The following RCSD1 variants were observed in gnomAD, a reference collection of about 807,000 sequenced individuals.
The protein encoded by RCSD1 is RCSD domain containing 1.
Under a neutral mutation model 42.5 loss-of-function variants are expected in RCSD1, and 26 were observed. That is an observed-to-expected ratio of 0.61 (90% CI 0.45 to 0.85). The LOEUF is 0.85. Ranked by LOEUF, RCSD1 falls within the 40% of genes least tolerant of loss-of-function variation. The probability of loss-of-function intolerance (pLI) is 0.00; values close to 1 mark genes in which losing one functional copy is unlikely to be tolerated. For synonymous variants in RCSD1, 220 were observed against 212.2 expected, an observed-to-expected ratio of 1.04 and a Z score of -0.32; for missense variants, 571 against 528.3, an observed-to-expected ratio of 1.08 and a Z score of -0.79.
At chr1:167,641,166 T>C (rs1657995062) in intron 1 of RCSD1, among the ~76,000 whole-genome samples, 1 of 152,126 alleles carries the variant, frequency 6.6e-6, no homozygotes, top group South Asian at 2.1e-4. Flanking sequence ...AGGGGAAGTC[T>C]GTCTCCAGGC....
intron 1 of RCSD1, among the ~76,000 whole-genome samples, chr1:167,666,794 T>A (rs1380415114): frequency 6.6e-6 from 1 of 152,238 alleles, no homozygotes; most frequent in Non-Finnish European, 1.5e-5. Flanking sequence ...TAGAACAAGC[T>A]TGTCCAACCC....
chr1:167,701,251 A>AGTTTGTTTGTTTGTTT (rs750347257), intron 6 of RCSD1, among the ~76,000 whole-genome samples: 1 of 117,682 alleles, frequency 8.5e-6, no homozygotes, highest in Non-Finnish European at 1.9e-5. Flanking sequence ...CCAATTGCCT[A>AGTTTGTTTGTTTGTTT]GTTTCTTTCT....
At chr1:167,676,149 G>A (rs1222976210) in intron 1 of RCSD1, among the ~76,000 whole-genome samples, 2 of 152,154 alleles carry the variant, frequency 1.3e-5, no homozygotes, top group Non-Finnish European at 1.5e-5. Context: ...TAGGCAATCT[G>A]AGGCACGGAC....
intron 1 of RCSD1, among the ~76,000 whole-genome samples, chr1:167,634,314 A>G (rs1291746078): frequency 1.3e-5 from 2 of 151,992 alleles, no homozygotes; most frequent in Non-Finnish European, 2.9e-5. Flanking sequence ...ATATATTTAG[A>G]GCCTAATGGG....
intron 2 of RCSD1, among the ~76,000 whole-genome samples, chr1:167,684,602 C>T (rs559099225): frequency 3.0e-4 from 45 of 152,174 alleles, no homozygotes; most frequent in African/African-American, 9.2e-4. Context: ...GGGCCGGGCA[C>T]GGTGGCTCAC....
chr1:167,702,960 A>T (rs1172473375), intron 6 of RCSD1, among the ~76,000 whole-genome samples: 3 of 152,198 alleles, frequency 2.0e-5, no homozygotes, highest in Non-Finnish European at 4.4e-5. Flanking sequence ...TATTAACAAT[A>T]AGTGCCGACT....
chr1:167,684,768 G>A (rs1349245804), intron 2 of RCSD1, among the ~76,000 whole-genome samples: 2 of 152,190 alleles, frequency 1.3e-5, no homozygotes, highest in South Asian at 2.1e-4. Context: ...CAGCTACTCA[G>A]GAGGCTGAGG....
intron 1 of RCSD1, among the ~76,000 whole-genome samples, chr1:167,642,637 G>A (rs1367535715): frequency 6.6e-6 from 1 of 152,196 alleles, no homozygotes; most frequent in African/African-American, 2.4e-5. Flanking sequence ...ACCAGGAGTT[G>A]CAACTTATAG....
Position 167,630,381 on chromosome 1 carries a change from G to A in RCSD1, c.-43G>A, listed in dbSNP as rs1419226285. ...CAGCGGGGATCGTGAGCTCCGGCCC[G>A]GGCGAGCGGGTGCGTCTGCCGCAGA... On this transcript the variant is annotated 5_prime_UTR_variant, in exon 1 of 7. Coordinates refer to ENST00000367854, the MANE Select transcript of RCSD1 (RefSeq NM_052862.4). The A allele has an allele frequency of 1.3e-6, 2 of 1,497,972 alleles. No homozygotes were observed. The highest frequency in any genetic ancestry group is 2.7e-5 in the East Asian group (1 of 37,440). 92.8% of individuals were successfully genotyped at this position (1,497,972 alleles called of 1,614,324 possible). A position where few individuals can be genotyped will look rare whatever the true frequency, so the allele number is the denominator to read the frequency against.
At chr1:167,699,953 A>T (rs2101723975) in intron 6 of RCSD1, among the ~76,000 whole-genome samples, 1 of 152,128 alleles carries the variant, frequency 6.6e-6, no homozygotes, top group South Asian at 2.1e-4. Flanking sequence ...CCCATCAGTT[A>T]TTTTCTCCCA....
At chr1:167,640,973 A>T (rs923361731) in intron 1 of RCSD1, among the ~76,000 whole-genome samples, 2 of 152,168 alleles carry the variant, frequency 1.3e-5, no homozygotes, top group Admixed American at 1.3e-4. Flanking sequence ...GTTAAGCTAT[A>T]TTATAACCAC....
intron 2 of RCSD1, 112 bp from the exon 3 acceptor site, chr1:167,685,308 TC>T: frequency 1.4e-6 from 1 of 728,276 alleles, no homozygotes; most frequent in Non-Finnish European, 2.2e-6. Context: ...ATCCTAACAT[TC>T]CTAAATCCCT....
intron 6 of RCSD1, 49 bp from the exon 7 acceptor site, chr1:167,704,614 AG>A: frequency 6.6e-7 from 1 of 1,526,644 alleles, no homozygotes; most frequent in Non-Finnish European, 9.1e-7. Context: ...GCTGAGTGTC[AG>A]GATTTCCTCA....
chr1:167,672,020 G>A (rs573648112), intron 1 of RCSD1, among the ~76,000 whole-genome samples: 1 of 152,212 alleles, frequency 6.6e-6, no homozygotes, highest in Non-Finnish European at 1.5e-5. Flanking sequence ...CTCCTGCTGT[G>A]CATTTCACCA....
At chr1:167,634,176 C>G (rs1657772263) in intron 1 of RCSD1, among the ~76,000 whole-genome samples, 1 of 152,194 alleles carries the variant, frequency 6.6e-6, no homozygotes, top group Non-Finnish European at 1.5e-5. Flanking sequence ...TTCTGTGAAG[C>G]CCCCAGACTC....
At chr1:167,674,364 A>C (rs1658889194) in intron 1 of RCSD1, among the ~76,000 whole-genome samples, 1 of 152,184 alleles carries the variant, frequency 6.6e-6, no homozygotes, top group African/African-American at 2.4e-5. Context: ...GAGGGAAGGA[A>C]AGTCACGAAC....
At chr1:167,647,052 C>A (rs1658173701) in intron 1 of RCSD1, among the ~76,000 whole-genome samples, 1 of 146,944 alleles carries the variant, frequency 6.8e-6, no homozygotes, top group Admixed American at 7.0e-5. Flanking sequence ...ATCGCTTGAA[C>A]CTGGGAGGCA....
intron 2 of RCSD1, among the ~76,000 whole-genome samples, chr1:167,684,539 C>T (rs1486827165): frequency 6.6e-6 from 1 of 150,670 alleles, no homozygotes; most frequent in Non-Finnish European, 1.5e-5. Flanking sequence ...GAGATTTGGG[C>T]TAGATTTTCT....
rs1424074005 is a variant in RCSD1, at chr1:167,708,281, A to C, written c.*3585A>C. Among the ~76,000 whole-genome samples the C allele has an allele frequency of 1.3e-5, 2 of 152,222 alleles. No homozygotes were observed. Among genetic ancestry groups the C allele is most frequent in the African/African-American group, 4.8e-5 (2 of 41,450 alleles). On this transcript the variant is annotated 3_prime_UTR_variant, in exon 7 of 7. Coordinates refer to ENST00000367854, the MANE Select transcript of RCSD1 (RefSeq NM_052862.4). Reference sequence around the variant, plus strand: ...CAGGGTGCTGTTACCAAAAGAAGCTATGCTGGCAGGCAAAAAACAACAGCT... The same window carrying C: ...CAGGGTGCTGTTACCAAAAGAAGCTCTGCTGGCAGGCAAAAAACAACAGCT...
Sources: allele counts gnomAD v4.1 joint callset (sites outside exome capture counted in the v4.1 genomes callset), GRCh38; gene constraint gnomAD v4.1.1; transcripts MANE v1.5; gene names NCBI Gene and HGNC (gene_info 2026-07-23, HGNC 2026-07-21).